MGAT4C: variants seen among roughly 807,000 people sequenced by gnomAD.
MGAT4C encodes alpha-1,3-mannosyl-glycoprotein 4-beta-N-acetylglucosaminyltransferase C.
In MGAT4C, 19 loss-of-function variants were observed where a neutral mutation model predicts 40.1. The ratio of observed to expected loss-of-function variants is 0.47; its 90% confidence interval spans 0.33 to 0.70. MGAT4C has a LOEUF of 0.70. Among genes scored for constraint, MGAT4C ranks in the 30% least tolerant of loss-of-function variants. MGAT4C has a pLI of 0.02. For missense variants in MGAT4C, 491 were observed against 563.2 expected, an observed-to-expected ratio of 0.87 and a Z score of 1.30; for synonymous variants, 181 against 187.1, an observed-to-expected ratio of 0.97 and a Z score of 0.27.
chr12:86,639,356 A>C (rs891991500), intron 2 of MGAT4C, among the ~76,000 whole-genome samples: 2 of 151,738 alleles, frequency 1.3e-5, no homozygotes, highest in Non-Finnish European at 3.0e-5. Context: ...GAAGTAGTCT[A>C]TCAATAAGAG....
At chr12:86,703,818 G>A (rs1050514453) in intron 2 of MGAT4C, among the ~76,000 whole-genome samples, 3 of 152,020 alleles carry the variant, frequency 2.0e-5, no homozygotes, top group Admixed American at 6.6e-5. Flanking sequence ...AGAGGTTTTG[G>A]TATATAAGCA....
intron 3 of MGAT4C, among the ~76,000 whole-genome samples, chr12:86,340,042 A>T (rs1258820129): frequency 6.6e-6 from 1 of 152,164 alleles, no homozygotes; most frequent in Non-Finnish European, 1.5e-5. Flanking sequence ...GAATATATTA[A>T]TAAGTGAGTA....
intron 1 of MGAT4C, among the ~76,000 whole-genome samples, chr12:86,114,839 AAAT>A (rs1878108421): frequency 6.6e-6 from 1 of 151,918 alleles, no homozygotes; most frequent in Non-Finnish European, 1.5e-5. Flanking sequence ...AAAGATGTTA[AAAT>A]CTATTACCTA....
chr12:86,334,734 A>G (rs1019434315), intron 3 of MGAT4C, among the ~76,000 whole-genome samples: 1 of 152,102 alleles, frequency 6.6e-6, no homozygotes, highest in African/African-American at 2.4e-5. Context: ...ACCATTCAAA[A>G]TATGAAAGAA....
chr12:86,052,718 CTTTATATAG>C (rs945222839), intron 1 of MGAT4C, among the ~76,000 whole-genome samples: 1 of 151,774 alleles, frequency 6.6e-6, no homozygotes, highest in Non-Finnish European at 1.5e-5. Context: ...ATTATTTTCC[CTTTATATAG>C]TTCTTGATGG....
At chr12:86,724,957 A>C (rs575557354) in intron 2 of MGAT4C, among the ~76,000 whole-genome samples, 60 of 152,302 alleles carry the variant, frequency 3.9e-4, no homozygotes, top group Admixed American at 9.2e-4. Flanking sequence ...GCTAGATTCA[A>C]CCATTTCACA....
chr12:86,180,598 G>A (rs1240246084), intron 1 of MGAT4C, among the ~76,000 whole-genome samples: 1 of 152,220 alleles, frequency 6.6e-6, no homozygotes, highest in Admixed American at 6.5e-5. Flanking sequence ...TGACCTGGAT[G>A]TGAGACCTGG....
At chr12:86,457,067 G>A (rs1957521550) in intron 2 of MGAT4C, among the ~76,000 whole-genome samples, 1 of 152,096 alleles carries the variant, frequency 6.6e-6, no homozygotes. Flanking sequence ...GATTATGACA[G>A]TTATCCAGTT....
At chr12:86,169,113 C>T (rs556360142) in intron 1 of MGAT4C, among the ~76,000 whole-genome samples, 1 of 152,246 alleles carries the variant, frequency 6.6e-6, no homozygotes, top group South Asian at 2.1e-4. Flanking sequence ...GTATCTTACT[C>T]ATTAATAAAT....
At chr12:86,603,586 C>CTAT (rs1565878224) in intron 2 of MGAT4C, among the ~76,000 whole-genome samples, 1 of 116,718 alleles carries the variant, frequency 8.6e-6, no homozygotes, top group Non-Finnish European at 1.7e-5. Context: ...AATATATAGT[C>CTAT]ATATAGTCTA....
Position 85,989,690 on chromosome 12 carries a change from A to G in MGAT4C, c.-6-138T>C, listed in dbSNP as rs116837084. On this transcript the variant is annotated intron_variant, in intron 2 of 4. Coordinates refer to ENST00000611864, the MANE Select transcript of MGAT4C (RefSeq NM_001351288.2). The stretch of plus-strand genomic sequence containing the variant: ...TAAAATTCTGTTCCCAATTTCAAAC[A>G]TAAGGTTGGCACAGATCATTAATTA... 5,373 of 763,002 alleles carry G rather than the reference A, an allele frequency of 7.0e-3. 207 individuals are homozygous for G. In the African/African-American group the frequency reaches 0.085, roughly 12 times the overall value. The allele number at this position is 763,002 out of a possible 1,614,324, so 47.3% of individuals were successfully genotyped here.
intron 2 of MGAT4C, among the ~76,000 whole-genome samples, chr12:86,661,022 A>G (rs1346459778): frequency 3.3e-5 from 5 of 152,156 alleles, no homozygotes; most frequent in Non-Finnish European, 7.4e-5. Flanking sequence ...TTTCTTGGGT[A>G]AACATTCTTA....
intron 2 of MGAT4C, among the ~76,000 whole-genome samples, chr12:86,655,896 T>G (rs1016255196): frequency 2.6e-5 from 4 of 152,020 alleles, no homozygotes; most frequent in Admixed American, 2.6e-4. Context: ...ACGAGGAGGG[T>G]TGAATTTGAA....
chr12:86,093,986 A>G (rs553703031), intron 1 of MGAT4C, among the ~76,000 whole-genome samples: 1 of 152,312 alleles, frequency 6.6e-6, no homozygotes, highest in South Asian at 2.1e-4. Context: ...ACTCATAGAC[A>G]CTGAAGTTTC....
intron 3 of MGAT4C, among the ~76,000 whole-genome samples, chr12:86,361,995 C>T (rs1037242368): frequency 6.6e-6 from 1 of 152,160 alleles, no homozygotes; most frequent in Non-Finnish European, 1.5e-5. Context: ...GGTATATACG[C>T]AAAGGATTAT....
chr12:86,731,937 C>A (rs1272171516), intron 1 of MGAT4C, among the ~76,000 whole-genome samples: 3 of 152,072 alleles, frequency 2.0e-5, no homozygotes, highest in Non-Finnish European at 2.9e-5. Context: ...GGTATAGCTC[C>A]TTATAAAACC....
chr12:86,583,486 C>T (rs1960877479), intron 2 of MGAT4C, among the ~76,000 whole-genome samples: 1 of 151,184 alleles, frequency 6.6e-6, no homozygotes, highest in Admixed American at 6.6e-5. Context: ...CATTATCTGC[C>T]AACAAATAAC....
chr12:86,653,479 T>G (rs1032856438), intron 2 of MGAT4C, among the ~76,000 whole-genome samples: 1 of 151,922 alleles, frequency 6.6e-6, no homozygotes, highest in African/African-American at 2.4e-5. Flanking sequence ...ATTGCTATAG[T>G]AGGGCTTTAT....
intron 2 of MGAT4C, among the ~76,000 whole-genome samples, chr12:86,628,720 C>T (rs1962909129): frequency 1.3e-5 from 2 of 152,032 alleles, no homozygotes; most frequent in African/African-American, 4.8e-5. Context: ...ACCACCAGGC[C>T]CGCCTTACAA....
Sources: allele counts gnomAD v4.1 joint callset (sites outside exome capture counted in the v4.1 genomes callset), GRCh38; gene constraint gnomAD v4.1.1; transcripts MANE v1.5; gene names NCBI Gene and HGNC (gene_info 2026-07-23, HGNC 2026-07-21).